PDZD9: variants seen among roughly 807,000 people sequenced by gnomAD.
PDZD9 encodes the protein PDZ domain-containing protein 9.
A neutral mutation model predicts 16.3 loss-of-function variants in PDZD9; 13 were observed. That is an observed-to-expected ratio of 0.80 (90% CI 0.52 to 1.27). The LOEUF is 1.27. PDZD9 is among the 50% of genes most tolerant of loss of function. The probability of loss-of-function intolerance (pLI) is 0.00; values close to 1 mark genes in which losing one functional copy is unlikely to be tolerated. For synonymous variants in PDZD9, 120 were observed against 111.0 expected (o/e 1.08, Z -0.51); for missense variants, 288 against 310.9 (o/e 0.93, Z 0.55).
chr16:21,992,957 A>G (rs2141960006), intron 2 of PDZD9, among the ~76,000 whole-genome samples: 1 of 152,088 alleles, frequency 6.6e-6, no homozygotes, highest in African/African-American at 2.4e-5. Context: ...ATGAGATCTG[A>G]TGGTTTTATG....
At chr16:21,962,811 G>A in the PDZD9 span, 99 of 1,613,890 alleles carry the variant, frequency 6.1e-5, 1 homozygote, top group Non-Finnish European at 7.5e-5. Flanking sequence ...CCAGAATTTC[G>A]TCGTTGGGAA....
rs747607457 is a variant in PDZD9 at position 21,996,437 on chromosome 16, T to C, written c.96A>G (p.Lys32=). 5.9e-6 allele frequency: 9 copies of C among 1,535,902 alleles called. 1 individual carries two copies. The South Asian group carries it at 1.1e-4, about 18-fold the overall frequency. Residue 32 remains lysine (K), a synonymous_variant, in exon 2 of 4, where the codon AAA becomes AAG. Transcript: ENST00000424898. ...CTAATCCCAGGCTACCCACAGTGAGTTTGGTCTGCTGTGTTTTGCTCAAGT... is the reference window on the plus strand; with the variant it reads ...CTAATCCCAGGCTACCCACAGTGAGCTTGGTCTGCTGTGTTTTGCTCAAGT... ...VHNLSKTQQT[K]LTVGSLGLGL... is the part of the protein sequence containing the mutation.
the PDZD9 span, among the ~76,000 whole-genome samples, chr16:21,978,699 A>G: frequency 6.6e-6 from 1 of 152,216 alleles, no homozygotes; most frequent in South Asian, 2.1e-4. Context: ...CCAAATAGTA[A>G]CGTAAACGGT....
intron 1 of PDZD9, 143 bp downstream of exon 1, chr16:22,000,874 A>ATGATGG (rs1567492530): frequency 1.4e-6 from 1 of 698,272 alleles, no homozygotes; most frequent in African/African-American, 1.8e-5. Context: ...GATGATGATG[A>ATGATGG]TAATGATGAT....
At chr16:21,974,001 C>T in the PDZD9 span, 1 of 1,578,898 alleles carries the variant, frequency 6.3e-7, no homozygotes, top group Non-Finnish European at 8.6e-7. Context: ...CACCAAACTT[C>T]TTTCATGAAC....
At chr16:21,963,350 G>A in the PDZD9 span, 3 of 152,296 alleles carry the variant, frequency 2.0e-5, no homozygotes, top group African/African-American at 4.8e-5. Flanking sequence ...TTGTTATTTA[G>A]ATTTATTATT....
the PDZD9 span, among the ~76,000 whole-genome samples, chr16:21,965,073 G>A: frequency 6.7e-6 from 1 of 149,750 alleles, no homozygotes; most frequent in Non-Finnish European, 1.5e-5. Flanking sequence ...ATGGCAAGAT[G>A]GCGGCAGAAC....
chr16:21,988,791 C>T lies in PDZD9; in HGVS notation c.212G>A (p.Gly71Asp), dbSNP rs78419913. 1 of 1,596,044 alleles carries T rather than the reference C, an allele frequency of 6.3e-7. No homozygotes were observed. The highest frequency in any genetic ancestry group is 8.5e-7 in the Non-Finnish European group (1 of 1,175,650). The change falls in exon 3 of 4, where the codon GGT (glycine) becomes GAT (aspartate). Residue 71 changes from glycine to aspartate, a missense_variant and splice_region_variant. Physicochemically the swap from Gly to Asp is moderately conservative, Grantham distance 94. Coordinates refer to ENST00000424898, the MANE Select transcript of PDZD9 (RefSeq NM_001363519.1). ...AAANDGKLQP[G>D]DVLISVGHAN... ...ATGGCCAACACTAATCAGAACATCA[C>T]CTGAAGAGGGAAAAAATTATGTATC...
Position 21,992,296 on chromosome 16 carries a change from A to G in PDZD9, c.212-3505T>C, listed in dbSNP as rs536874109. On this transcript the variant is annotated intron_variant, in intron 2 of 3. Transcript: ENST00000424898. Reference sequence around the variant, plus strand: ...GATAATAGATGGGGAAATATCTCCCACAATGCCTAGGACAAATATTTATTA... The same window carrying G: ...GATAATAGATGGGGAAATATCTCCCGCAATGCCTAGGACAAATATTTATTA... 2.8e-4 allele frequency among the ~76,000 whole-genome samples: 43 copies of G among 152,360 alleles called. 2 individuals are homozygous for G. In the South Asian group the frequency reaches 8.5e-3, roughly 30 times the overall value.
intron 2 of PDZD9, among the ~76,000 whole-genome samples, chr16:21,990,827 G>A (rs1449624206): frequency 1.3e-5 from 2 of 152,162 alleles, no homozygotes; most frequent in African/African-American, 4.8e-5. Context: ...CGTTCTGGCT[G>A]TAAACCAAAC....
the PDZD9 span, chr16:21,958,537 G>A: frequency 2.9e-5 from 46 of 1,611,384 alleles, no homozygotes; most frequent in African/African-American, 1.2e-4. Context: ...TTTTCAAGAC[G>A]ACAAAAGGAG....
the PDZD9 span, chr16:21,972,021 C>T: frequency 3.7e-6 from 6 of 1,614,028 alleles, no homozygotes; most frequent in Non-Finnish European, 5.1e-6. Flanking sequence ...ATTTAGTGTT[C>T]TTCAGCATGT....
Position 21,984,346 on chromosome 16 carries a change from G to A in PDZD9, c.716C>T (p.Ser239Phe). ...TTCCAGCCAAAATGCATCTGAGGTA[G>A]AGGAGGTAGAGGAGGAAGAGCTTTC... ...DNESSSSSTSSTSDAFWLEDC... is the reference protein window; with the variant it reads ...DNESSSSSTSFTSDAFWLEDC... Residue 239 changes from serine (S) to phenylalanine (F), a missense_variant, in exon 4 of 4, where the codon TCT becomes TTT. Transcript: ENST00000424898. 6.2e-7 allele frequency: 1 copy of A among 1,613,962 alleles called. No individual in the cohort carries two copies. Among genetic ancestry groups the A allele is most frequent in the African/African-American group, 1.3e-5 (1 of 75,054 alleles).
the PDZD9 span, chr16:21,976,127 G>C: frequency 6.8e-7 from 1 of 1,460,640 alleles, no homozygotes; most frequent in Non-Finnish European, 9.6e-7. Flanking sequence ...GGAGACTCTG[G>C]TACTGACCAC....
chr16:21,987,367 C>G (rs1303863581), intron 3 of PDZD9, among the ~76,000 whole-genome samples: 1 of 151,902 alleles, frequency 6.6e-6, no homozygotes, highest in Non-Finnish European at 1.5e-5. Context: ...TTGCAGTGAG[C>G]CAAGGTCACG....
the PDZD9 span, among the ~76,000 whole-genome samples, chr16:21,968,024 CAG>C: frequency 3.8e-5 from 5 of 129,892 alleles, no homozygotes; most frequent in South Asian, 9.8e-4. Context: ...TTTTTTGAGA[CAG>C]AGTCTTGCTG....
At chr16:22,000,501 T>A (rs928975948) in intron 1 of PDZD9, among the ~76,000 whole-genome samples, 2 of 151,920 alleles carry the variant, frequency 1.3e-5, no homozygotes, top group Non-Finnish European at 2.9e-5. Flanking sequence ...TGGTTCAACG[T>A]GGGTATAGCT....
At chr16:21,977,363 A>G in the PDZD9 span, among the ~76,000 whole-genome samples, 1 of 152,144 alleles carries the variant, frequency 6.6e-6, no homozygotes, top group Non-Finnish European at 1.5e-5. Flanking sequence ...CTTAAAAAAA[A>G]AAAATGTATT....
At chr16:21,985,865 C>G (rs1189819359) in intron 3 of PDZD9, among the ~76,000 whole-genome samples, 2 of 152,180 alleles carry the variant, frequency 1.3e-5, no homozygotes, top group Non-Finnish European at 1.5e-5. Flanking sequence ...CTGAGAGCCA[C>G]TAGTCTTAAA....
Sources: allele counts gnomAD v4.1 joint callset (sites outside exome capture counted in the v4.1 genomes callset), GRCh38; gene constraint gnomAD v4.1.1; transcripts MANE v1.5; gene names NCBI Gene and HGNC (gene_info 2026-07-23, HGNC 2026-07-21).